The following PKD2 variants were observed in gnomAD, a reference collection of about 807,000 sequenced individuals.
The protein encoded by PKD2 is polycystin 2, transient receptor potential cation channel, also known as polycystin-2.
Under a neutral mutation model 105.9 loss-of-function variants are expected in PKD2, and 48 were observed. The ratio of observed to expected loss-of-function variants is 0.45; its 90% CI spans 0.36 to 0.58. PKD2 has a LOEUF of 0.58. Among genes scored for constraint, PKD2 ranks in the 20% least tolerant of loss-of-function variants. The probability of loss-of-function intolerance (pLI) is 0.00; values close to 1 mark genes in which losing one functional copy is unlikely to be tolerated. For missense variants in PKD2, 1,078 were observed against 1,255.3 expected, an observed-to-expected ratio of 0.86 and a Z score of 2.13; for synonymous variants, 464 against 481.1, an observed-to-expected ratio of 0.96 and a Z score of 0.46.
intron 3 of PKD2, 64 bp from the exon 4 acceptor site, chr4:88,038,187 G>A (rs1727409109): frequency 5.8e-6 from 9 of 1,564,500 alleles, no homozygotes; most frequent in Non-Finnish European, 7.9e-6. Flanking sequence ...TGCAAACGAT[G>A]CAGGCAGGGG....
rs1307960365 is a variant in PKD2, at chr4:88,007,750, G to A, written c.17G>A (p.Arg6His). 3.3e-6 allele frequency: 4 copies of A among 1,203,798 alleles called. No individual in the cohort carries two copies. The East Asian group carries it at 1.5e-4, about 46-fold the overall frequency. The allele number at this position is 1,203,798 out of a possible 1,614,324, so 74.6% of individuals were successfully genotyped here. The change falls in exon 1 of 15, where the codon CGC (arginine) becomes CAC (histidine). Residue 6 changes from arginine (R) to histidine (H), a missense_variant. Physicochemically the swap from Arg to His is conservative, Grantham distance 29. Around this residue, in one of 2 missense-constraint regions of PKD2, gnomAD observed 210 missense variants for 187.9 expected, o/e 1.12. Transcript: ENST00000237596. ...GTGACCGCGATGGTGAACTCCAGTCGCGTGCAGCCTCAGCAGCCCGGGGAC... is the reference window on the plus strand; with the variant it reads ...GTGACCGCGATGGTGAACTCCAGTCACGTGCAGCCTCAGCAGCCCGGGGAC... MVNSS[R>H]VQPQQPGDAK...
intron 6 of PKD2, among the ~76,000 whole-genome samples, chr4:88,050,816 A>G (rs545485278): frequency 6.6e-6 from 1 of 152,164 alleles, no homozygotes; most frequent in South Asian, 2.1e-4. Flanking sequence ...GAAATCCTTC[A>G]CAGAGAAGGA....
chr4:88,021,515 G>A (rs1025038630), intron 2 of PKD2, among the ~76,000 whole-genome samples: 43 of 151,658 alleles, frequency 2.8e-4, no homozygotes, highest in African/African-American at 9.9e-4. Flanking sequence ...TTGGAATATT[G>A]TAGAATCTCT....
intron 1 of PKD2, among the ~76,000 whole-genome samples, chr4:88,009,188 T>C (rs1162472025): frequency 1.3e-5 from 2 of 152,256 alleles, no homozygotes; most frequent in Non-Finnish European, 2.9e-5. Context: ...ATGAATTTTC[T>C]AGTACCAGAG....
intron 8 of PKD2, among the ~76,000 whole-genome samples, chr4:88,057,135 G>A (rs975918043): frequency 6.6e-6 from 1 of 152,028 alleles, no homozygotes; most frequent in African/African-American, 2.4e-5. Flanking sequence ...GACTACAAGT[G>A]TATGCCACCA....
In PKD2 at chr4:88,068,023, A is replaced by G. The variant is rs889600957; in HGVS notation, c.2484A>G (p.Gly828=). 6.2e-7 allele frequency: 1 copy of G among 1,614,120 alleles called. No individual in the cohort carries two copies. The highest frequency in any genetic ancestry group is 1.3e-5 in the African/African-American group (1 of 75,052). Residue 828 remains glycine (G), a synonymous_variant, in exon 13 of 15, where the codon GGA becomes GGG. Transcript: ENST00000237596. ...EDSGHSSRRR[G]SISSGVSYEE... is the part of the protein sequence containing the mutation. ...GCGGACATAGCTCCAGAAGGAGGGGAAGCATTTCTAGTGGCGTTTCTTACG... is the reference window on the plus strand; with the variant it reads ...GCGGACATAGCTCCAGAAGGAGGGGGAGCATTTCTAGTGGCGTTTCTTACG...
intron 2 of PKD2, among the ~76,000 whole-genome samples, chr4:88,024,192 C>T (rs566898443): frequency 6.6e-6 from 1 of 152,066 alleles, no homozygotes; most frequent in African/African-American, 2.4e-5. Flanking sequence ...TACGGTGGCT[C>T]ATGCCTGTAA....
intron 1 of PKD2, among the ~76,000 whole-genome samples, chr4:88,015,662 T>C (rs1212086858): frequency 6.6e-6 from 1 of 152,220 alleles, no homozygotes; most frequent in East Asian, 1.9e-4. Context: ...CCTCAGGTGA[T>C]CCACCCACCT....
intron 4 of PKD2, among the ~76,000 whole-genome samples, chr4:88,042,765 A>T (rs1167819851): frequency 6.6e-6 from 1 of 152,230 alleles, no homozygotes; most frequent in African/African-American, 2.4e-5. Context: ...CTGAAGAAGC[A>T]TCTGTTTTCT....
intron 12 of PKD2, among the ~76,000 whole-genome samples, chr4:88,067,029 C>T (rs115126719): frequency 1.2e-3 from 190 of 152,268 alleles, no homozygotes; most frequent in African/African-American, 4.1e-3. Flanking sequence ...TCTGACATTA[C>T]ATCTTTCCTA....
rs748946560 is a variant in PKD2, at chr4:88,056,112, G to A, written c.1743G>A (p.Arg581=). The change falls in exon 8 of 15, where the codon AGG becomes AGA. Residue 581 remains arginine (R), a synonymous_variant. Transcript: ENST00000237596. ...TCTTCAAATTCATCAATTTTAACAG[G>A]ACCATGAGCCAGCTCTCGACAACCA... ...IKLFKFINFN[R]TMSQLSTTMS... is the part of the protein sequence containing the mutation. The A allele has an allele frequency of 1.2e-6, 2 of 1,613,022 alleles. No individual in the cohort carries two copies. Among genetic ancestry groups the A allele is most frequent in the African/African-American group, 1.3e-5 (1 of 74,836 alleles).
intron 1 of PKD2, among the ~76,000 whole-genome samples, chr4:88,009,547 A>G (rs1726316218): frequency 6.6e-6 from 1 of 152,032 alleles, no homozygotes; most frequent in African/African-American, 2.4e-5. Context: ...CTTTGGGAGA[A>G]TTAAGTGAGT....
rs373330251 is a variant in PKD2 at position 88,011,953 on chromosome 4, A to G, written c.595+3625A>G. Among the ~76,000 whole-genome samples the G allele has an allele frequency of 1.9e-4, 28 of 150,710 alleles. No individual in the cohort carries two copies. The East Asian group carries it at 2.8e-3, about 15-fold the overall frequency. Reference sequence around the variant, plus strand: ...GGGACATTTGGCAATCTCTGGAGACATTTTTGATTGTCATACCTGGGGGGA... The same window carrying G: ...GGGACATTTGGCAATCTCTGGAGACGTTTTTGATTGTCATACCTGGGGGGA... On this transcript the variant is annotated intron_variant, in intron 1 of 14. Transcript: ENST00000237596.
intron 10 of PKD2, among the ~76,000 whole-genome samples, chr4:88,062,889 G>T (rs1425993403): frequency 6.6e-6 from 1 of 152,162 alleles, no homozygotes; most frequent in Non-Finnish European, 1.5e-5. Context: ...CAAATCTCCA[G>T]TGTGTATGCA....
intron 1 of PKD2, among the ~76,000 whole-genome samples, chr4:88,011,722 G>A (rs922868330): frequency 6.6e-6 from 1 of 152,030 alleles, no homozygotes; most frequent in African/African-American, 2.4e-5. Context: ...TTTGAACATG[G>A]CTTTGGTTGA....
intron 1 of PKD2, among the ~76,000 whole-genome samples, chr4:88,012,456 G>A (rs192272074): frequency 1.8e-5 from 1 of 55,188 alleles, no homozygotes; most frequent in Non-Finnish European, 3.2e-5. Flanking sequence ...TTATTTATTA[G>A]GACATGCAGG....
chr4:88,033,297 C>T lies in PKD2; in HGVS notation c.710-2923C>T, dbSNP rs564944727. Among the ~76,000 whole-genome samples, 40 of 152,080 alleles carry T rather than the reference C, an allele frequency of 2.6e-4. 2 individuals are homozygous for T. The South Asian group carries it at 8.3e-3, about 32-fold the overall frequency. ...TGAAAATTAGCTGGCCATGGTGATGCATGCCTGTAGTCCCAGGTACTCAGG... is the reference window on the plus strand; with the variant it reads ...TGAAAATTAGCTGGCCATGGTGATGTATGCCTGTAGTCCCAGGTACTCAGG... On this transcript the variant is annotated intron_variant, in intron 2 of 14. Coordinates refer to ENST00000237596, the MANE Select transcript of PKD2 (RefSeq NM_000297.4).
intron 2 of PKD2, among the ~76,000 whole-genome samples, chr4:88,033,607 G>A (rs1727235790): frequency 1.3e-5 from 2 of 151,988 alleles, no homozygotes; most frequent in Non-Finnish European, 2.9e-5. Context: ...TGGATTATGA[G>A]TGCTCTAGGA....
At chr4:88,044,072 C>G (rs888827514) in intron 5 of PKD2, among the ~76,000 whole-genome samples, 1 of 152,142 alleles carries the variant, frequency 6.6e-6, no homozygotes, top group Non-Finnish European at 1.5e-5. Context: ...ATTCAGCAAA[C>G]ATTCATTGGA....
Sources: gnomAD v4.1 joint callset for allele counts (sites outside exome capture counted in the v4.1 genomes callset) on GRCh38, gnomAD v4.1.1 for gene constraint, gnomAD v4.1.1 regional missense constraint, MANE v1.5 for transcripts, NCBI Gene and HGNC (gene_info 2026-07-23, HGNC 2026-07-21) for gene names.